Variants in CDH19 observed in about 807,000 individuals in gnomAD.
The protein encoded by CDH19 is cadherin-19.
Under a neutral mutation model 64.2 loss-of-function variants are expected in CDH19, and 67 were observed. The ratio of observed to expected loss-of-function variants is 1.04; its 90% CI spans 0.86 to 1.28. The LOEUF (loss-of-function observed/expected upper bound fraction) is 1.28, where lower values mean the gene tolerates loss of function less well. Among genes scored for constraint, CDH19 ranks in the 50% most tolerant of loss-of-function variants. The pLI, the probability that CDH19 is intolerant of heterozygous loss-of-function variation, is 0.00. For synonymous variants in CDH19, 346 were observed against 319.3 expected (o/e 1.08, Z -0.89); for missense variants, 1,030 against 929.0 (o/e 1.11, Z -1.41).
chr18:66,569,873 T>C (rs1568202940), intron 2 of CDH19, among the ~76,000 whole-genome samples: 1 of 151,696 alleles, frequency 6.6e-6, no homozygotes, highest in Non-Finnish European at 1.5e-5. Flanking sequence ...ATTTTTCTGA[T>C]GGCTTAAGTT....
intron 1 of CDH19, among the ~76,000 whole-genome samples, chr18:66,581,229 A>C (rs879799276): frequency 1.3e-5 from 2 of 152,164 alleles, no homozygotes; most frequent in African/African-American, 2.4e-5. Flanking sequence ...ATATATTTCA[A>C]AATAAAAGTG....
chr18:66,558,179 A>ATAT (rs1247250438), intron 3 of CDH19, among the ~76,000 whole-genome samples: 2 of 147,686 alleles, frequency 1.4e-5, no homozygotes, highest in Non-Finnish European at 3.0e-5. Context: ...ATATATATAT[A>ATAT]ATATATATAT....
intron 7 of CDH19, among the ~76,000 whole-genome samples, chr18:66,541,617 A>G (rs1474967261): frequency 6.6e-6 from 1 of 152,270 alleles, no homozygotes; most frequent in Non-Finnish European, 1.5e-5. Flanking sequence ...AAAAAAATCA[A>G]CAATATCAAC....
intron 9 of CDH19, among the ~76,000 whole-genome samples, chr18:66,525,368 T>G (rs1214238753): frequency 6.6e-6 from 1 of 152,124 alleles, no homozygotes; most frequent in Non-Finnish European, 1.5e-5. Flanking sequence ...TTTTAGAGAT[T>G]GCTTCATTGG....
intron 8 of CDH19, among the ~76,000 whole-genome samples, chr18:66,531,607 C>A (rs925854531): frequency 1.3e-5 from 2 of 151,968 alleles, no homozygotes; most frequent in Admixed American, 6.6e-5. Context: ...CAGAGTGAAA[C>A]CCTGACTCAG....
At chr18:66,507,607 CT>C (rs1985264950) in intron 11 of CDH19, among the ~76,000 whole-genome samples, 1 of 151,700 alleles carries the variant, frequency 6.6e-6, no homozygotes, top group African/African-American at 2.4e-5. Flanking sequence ...TATAAATTAT[CT>C]GCTTATAAAA....
intron 8 of CDH19, among the ~76,000 whole-genome samples, chr18:66,531,058 G>A (rs1318695792): frequency 6.6e-6 from 1 of 152,124 alleles, no homozygotes; most frequent in Admixed American, 6.6e-5. Flanking sequence ...ACAGCACCCA[G>A]TGATAGCTGA....
At chr18:66,541,404 T>C (rs1009849805) in intron 7 of CDH19, among the ~76,000 whole-genome samples, 4 of 152,136 alleles carry the variant, frequency 2.6e-5, no homozygotes, top group Non-Finnish European at 5.9e-5. Context: ...AGAGATATTA[T>C]CAAATTAAAA....
intron 9 of CDH19, among the ~76,000 whole-genome samples, chr18:66,512,410 T>C (rs558257608): frequency 1.3e-5 from 2 of 151,694 alleles, no homozygotes; most frequent in South Asian, 2.1e-4. Flanking sequence ...GAGATTGTGA[T>C]TAATTGTGGA....
At position 66,568,714 on chromosome 18, in the gene CDH19, C is replaced by T. The variant is rs1354917965; in HGVS notation, c.196-4G>A. ...CATTGTCTAAATCAGATCTTAGCTG[C>T]AAATGGAAAGAGGGATCATTTAGTT... On this transcript the variant is annotated splice_polypyrimidine_tract_variant and splice_region_variant and intron_variant, in intron 2 of 11. Transcript: ENST00000262150. 6.3e-7 allele frequency: 1 copy of T among 1,586,680 alleles called. No individual in the cohort carries two copies. Among genetic ancestry groups the T allele is most frequent in the Non-Finnish European group, 8.6e-7 (1 of 1,169,112 alleles).
At chr18:66,580,185 C>T (rs1176191025) in intron 1 of CDH19, among the ~76,000 whole-genome samples, 1 of 151,824 alleles carries the variant, frequency 6.6e-6, no homozygotes, top group African/African-American at 2.4e-5. Context: ...GTATAGAAAG[C>T]AGAACTATAC....
intron 9 of CDH19, among the ~76,000 whole-genome samples, chr18:66,515,491 T>A (rs1183105462): frequency 6.6e-6 from 1 of 151,840 alleles, no homozygotes; most frequent in Non-Finnish European, 1.5e-5. Flanking sequence ...TGTCTTTCTT[T>A]GTTTAGCAAA....
chr18:66,595,837 A>T (rs912995409), intron 1 of CDH19, among the ~76,000 whole-genome samples: 5 of 152,140 alleles, frequency 3.3e-5, no homozygotes, highest in African/African-American at 1.2e-4. Flanking sequence ...TCATTCTAAT[A>T]CCAAAATCTG....
intron 1 of CDH19, among the ~76,000 whole-genome samples, chr18:66,590,692 T>C (rs1988719431): frequency 1.3e-5 from 2 of 152,026 alleles, no homozygotes; most frequent in South Asian, 4.1e-4. Flanking sequence ...ACACAAATGT[T>C]ATCACTATGT....
rs933435539 is a variant in CDH19, at chr18:66,519,967, C to T, written c.1459-8282G>A. ...TTGGGAGGCCGAGGCAGGCGGATCACGAGGTCAGGAGATGGAGACCATCCT... is the reference window on the plus strand; with the variant it reads ...TTGGGAGGCCGAGGCAGGCGGATCATGAGGTCAGGAGATGGAGACCATCCT... On this transcript the variant is annotated intron_variant, in intron 9 of 11. Transcript: ENST00000262150. Among the ~76,000 whole-genome samples, 14 of 152,054 alleles carry T rather than the reference C, an allele frequency of 9.2e-5. No homozygotes were observed. In the East Asian group the frequency reaches 2.7e-3, roughly 30 times the overall value.
chr18:66,574,231 C>A (rs559426391), intron 1 of CDH19, among the ~76,000 whole-genome samples: 59 of 151,454 alleles, frequency 3.9e-4, no homozygotes, highest in Non-Finnish European at 6.6e-4. Flanking sequence ...CAGTATGTTT[C>A]TTTATCCTCC....
intron 9 of CDH19, among the ~76,000 whole-genome samples, chr18:66,527,141 T>C (rs768475127): frequency 2.0e-4 from 30 of 151,568 alleles, no homozygotes; most frequent in Non-Finnish European, 3.8e-4. Context: ...TTTAAATATC[T>C]ATTATATATT....
intron 1 of CDH19, among the ~76,000 whole-genome samples, chr18:66,589,382 TG>T (rs1988677900): frequency 6.6e-6 from 1 of 151,840 alleles, no homozygotes; most frequent in South Asian, 2.1e-4. Context: ...TTTGTTCTTA[TG>T]CTTTCATTAA....
intron 7 of CDH19, among the ~76,000 whole-genome samples, chr18:66,537,899 T>G (rs1235518159): frequency 6.6e-6 from 1 of 152,136 alleles, no homozygotes; most frequent in Non-Finnish European, 1.5e-5. Context: ...TTCCATGTAA[T>G]TCCTTCTGTC....
Sources: allele counts gnomAD v4.1 joint callset (sites outside exome capture counted in the v4.1 genomes callset), GRCh38; gene constraint gnomAD v4.1.1; transcripts MANE v1.5; gene names NCBI Gene and HGNC (gene_info 2026-07-23, HGNC 2026-07-21).